MCOLN3: variants seen among roughly 807,000 people sequenced by gnomAD.
MCOLN3 encodes mucolipin-3.
Under a neutral mutation model 69.4 loss-of-function variants are expected in MCOLN3, and 62 were observed. The ratio of observed to expected loss-of-function variants is 0.89; its 90% confidence interval spans 0.73 to 1.10. MCOLN3 has a LOEUF of 1.10. Ranked by LOEUF, MCOLN3 falls within the 50% of genes least tolerant of loss-of-function variation. The pLI, the probability that MCOLN3 is intolerant of heterozygous loss-of-function variation, is 0.00. For synonymous variants in MCOLN3, 183 were observed against 217.0 expected, an observed-to-expected ratio of 0.84 and a Z score of 1.38; for missense variants, 564 against 656.4, an observed-to-expected ratio of 0.86 and a Z score of 1.54.
At chr1:85,035,976 C>A (rs1385377814) in intron 3 of MCOLN3, among the ~76,000 whole-genome samples, 1 of 152,204 alleles carries the variant, frequency 6.6e-6, no homozygotes, top group Non-Finnish European at 1.5e-5. Flanking sequence ...TACATGTCAC[C>A]TTGTCAGAGA....
chr1:85,032,625 G>T, intron 6 of MCOLN3, 71 bp downstream of exon 6: 2 of 1,084,222 alleles, frequency 1.8e-6, no homozygotes, highest in Non-Finnish European at 2.9e-6. Context: ...GTAATCCAAG[G>T]ATATGAAACA....
intron 7 of MCOLN3, 61 bp from the exon 8 acceptor site, chr1:85,026,345 C>A: frequency 9.2e-7 from 1 of 1,087,200 alleles, no homozygotes; most frequent in Non-Finnish European, 1.4e-6. Flanking sequence ...GTGACATCTT[C>A]TTTTTAGAAT....
chr1:85,027,742 A>G (rs982049135), intron 7 of MCOLN3, among the ~76,000 whole-genome samples: 11 of 152,288 alleles, frequency 7.2e-5, no homozygotes, highest in African/African-American at 2.6e-4. Context: ...AGGGGGTTTT[A>G]GCTGAAACCT....
chr1:85,033,423 G>T (rs1652637611), intron 4 of MCOLN3, among the ~76,000 whole-genome samples: 1 of 152,064 alleles, frequency 6.6e-6, no homozygotes, highest in South Asian at 2.1e-4. Flanking sequence ...CAGCATTTTA[G>T]AAAGTTTTCC....
At position 85,045,373 on chromosome 1, in the gene MCOLN3, A is replaced by G. The variant is rs749066004; in HGVS notation, c.-2-11T>C. 1.3e-6 allele frequency: 2 copies of G among 1,590,714 alleles called. No homozygotes were observed. Among genetic ancestry groups the G allele is most frequent in the African/African-American group, 2.7e-5 (2 of 73,794 alleles). On this transcript the variant is annotated splice_polypyrimidine_tract_variant and intron_variant, in intron 1 of 12. Transcript: ENST00000370589. ...CAGGATCTGCCATCTCTAGAGGAAA[A>G]AAACAACAACAACAACAACCAACAT...
intron 12 of MCOLN3, among the ~76,000 whole-genome samples, chr1:85,019,643 T>C (rs1179836725): frequency 1.3e-5 from 2 of 152,264 alleles, no homozygotes; most frequent in South Asian, 2.1e-4. Context: ...TGAAGGAACA[T>C]GGTTCAGGCC....
In MCOLN3 at chr1:85,021,064, A is replaced by G. The variant is rs774194949; in HGVS notation, c.1527+6T>C. The G allele has an allele frequency of 6.9e-5, 110 of 1,599,774 alleles. 1 individual carries two copies. The highest frequency in any genetic ancestry group is 6.8e-4 in the Middle Eastern group (3 of 4,440). On this transcript the variant is annotated splice_donor_region_variant and intron_variant, in intron 12 of 12. Transcript: ENST00000370589. Reference sequence around the variant, plus strand: ...TGCTACTACTTATGGCTCTTGATAAACCTACCTTAATTGTTTCGTATGTAT... The same window carrying G: ...TGCTACTACTTATGGCTCTTGATAAGCCTACCTTAATTGTTTCGTATGTAT...
rs1652366926 is a variant in MCOLN3, at chr1:85,029,035, G to A, written c.832+71C>T. On this transcript the variant is annotated intron_variant, in intron 7 of 12. Coordinates refer to ENST00000370589, the MANE Select transcript of MCOLN3 (RefSeq NM_018298.11). The stretch of plus-strand genomic sequence containing the variant: ...CTATTTGTTGTTCTAGATATCCAGA[G>A]GGTGCTATTTTAATAACCATTTTAC... 4 of 951,246 alleles carry A rather than the reference G, an allele frequency of 4.2e-6. No homozygotes were observed. The South Asian group carries it at 5.7e-5, about 14-fold the overall frequency. The allele number at this position is 951,246 out of a possible 1,614,324, so 58.9% of individuals were successfully genotyped here.
intron 2 of MCOLN3, among the ~76,000 whole-genome samples, chr1:85,042,031 A>G (rs571355882): frequency 6.6e-6 from 1 of 152,110 alleles, no homozygotes; most frequent in African/African-American, 2.4e-5. Flanking sequence ...ACATGCTGTA[A>G]ATTGAGAAAC....
chr1:85,043,270 C>T (rs1416108549), intron 2 of MCOLN3, among the ~76,000 whole-genome samples: 1 of 152,146 alleles, frequency 6.6e-6, no homozygotes. Flanking sequence ...TAGCTCACGC[C>T]TGTAATCCCA....
intron 9 of MCOLN3, chr1:85,024,716 G>A (rs1423131647): frequency 6.6e-6 from 1 of 152,162 alleles, no homozygotes; most frequent in Non-Finnish European, 1.5e-5. Context: ...AGGGTTCACT[G>A]AAATTAATGA....
chr1:85,048,212 G>C (rs928679351), intron 1 of MCOLN3, among the ~76,000 whole-genome samples, 184 bp downstream of exon 1: 1 of 151,944 alleles, frequency 6.6e-6, no homozygotes, highest in Non-Finnish European at 1.5e-5. Flanking sequence ...GGGGCGGCGC[G>C]GAACAGCTGC....
chr1:85,028,605 G>C (rs1652342723), intron 7 of MCOLN3, among the ~76,000 whole-genome samples: 1 of 152,192 alleles, frequency 6.6e-6, no homozygotes, highest in Non-Finnish European at 1.5e-5. Context: ...TCTAAGAGTA[G>C]ATCCTTTCCT....
At chr1:85,032,041 A>T (rs562375979) in intron 6 of MCOLN3, among the ~76,000 whole-genome samples, 297 of 152,218 alleles carry the variant, frequency 2.0e-3, no homozygotes, top group Admixed American at 3.9e-3. Context: ...GCGCCACTGC[A>T]CTCCAGCCTA....
At chr1:85,024,540 G>GC (rs1652115976) in intron 9 of MCOLN3, 2 of 148,614 alleles carry the variant, frequency 1.3e-5, no homozygotes. Flanking sequence ...TGGAAATTCT[G>GC]TTTTTTTTTT....
chr1:85,043,045 A>C (rs577599128), intron 2 of MCOLN3, among the ~76,000 whole-genome samples: 7 of 152,330 alleles, frequency 4.6e-5, no homozygotes, highest in African/African-American at 1.7e-4. Context: ...AAACATAGGA[A>C]GGTAGATGAG....
At chr1:85,019,615 G>A (rs1471646544) in intron 12 of MCOLN3, among the ~76,000 whole-genome samples, 3 of 152,216 alleles carry the variant, frequency 2.0e-5, no homozygotes, top group African/African-American at 7.2e-5. Context: ...TTCCAGACCA[G>A]TGTGATGCAG....
chr1:85,042,627 T>C (rs1044415612), intron 2 of MCOLN3, among the ~76,000 whole-genome samples: 4 of 152,186 alleles, frequency 2.6e-5, no homozygotes, highest in Admixed American at 6.5e-5. Flanking sequence ...AGACAATTGG[T>C]CCCTGCCCTC....
At position 85,045,216 on chromosome 1, in the gene MCOLN3, G is replaced by T. The variant is rs137942693; in HGVS notation, c.145C>A (p.Pro49Thr). The change falls in exon 2 of 13, where the codon CCC (proline) becomes ACC (threonine). Residue 49 changes from proline (P) to threonine (T), a missense_variant. By Grantham distance (38) the Pro-to-Thr change is conservative. Transcript: ENST00000370589. ...CCTCGAGCCCAGAACTTCTCACAGG[G>T]ATTCATGAAAAAAAATTTGAGTTTT... Reference protein sequence around the residue: ...RRKLKFFFMNPCEKFWARGRK... With the variant: ...RRKLKFFFMNTCEKFWARGRK... 11 of 1,613,886 alleles carry T rather than the reference G, an allele frequency of 6.8e-6. No homozygotes were observed. The African/African-American group carries it at 1.5e-4, about 22-fold the overall frequency.
Sources: gnomAD v4.1 joint callset for allele counts (sites outside exome capture counted in the v4.1 genomes callset) on GRCh38, gnomAD v4.1.1 for gene constraint, MANE v1.5 for transcripts, NCBI Gene and HGNC (gene_info 2026-07-23, HGNC 2026-07-21) for gene names.